Variants in TMEM163 observed in about 807,000 individuals in gnomAD.
TMEM163 encodes transmembrane protein 163.
A neutral mutation model predicts 29.3 loss-of-function variants in TMEM163; 17 were observed. The observed-to-expected ratio is 0.58, with a 90% CI of 0.40 to 0.87. The LOEUF (loss-of-function observed/expected upper bound fraction) is 0.87. Ranked by LOEUF, TMEM163 falls within the 40% of genes least tolerant of loss-of-function variation. TMEM163 has a pLI of 0.00. For synonymous variants in TMEM163, 157 were observed against 160.6 expected (o/e 0.98, Z 0.17); for missense variants, 303 against 381.5 (o/e 0.79, Z 1.71).
chr2:134,600,935 T>C (rs996265638), intron 2 of TMEM163, among the ~76,000 whole-genome samples: 16 of 152,232 alleles, frequency 1.1e-4, no homozygotes, highest in African/African-American at 3.6e-4. Context: ...GCCCACCATA[T>C]CCTGGGTGGC....
intron 2 of TMEM163, among the ~76,000 whole-genome samples, chr2:134,571,283 A>G (rs1023568679): frequency 2.6e-5 from 4 of 152,290 alleles, no homozygotes; most frequent in South Asian, 2.1e-4. Flanking sequence ...CTCGCTTTCC[A>G]TTGACCCTTT....
At chr2:134,605,128 G>T (rs1682323094) in intron 2 of TMEM163, among the ~76,000 whole-genome samples, 1 of 150,886 alleles carries the variant, frequency 6.6e-6, no homozygotes, top group Non-Finnish European at 1.5e-5. Context: ...AGTGAGCTGG[G>T]ATCGCACCAC....
At chr2:134,477,097 C>T (rs1409205201) in intron 5 of TMEM163, among the ~76,000 whole-genome samples, 1 of 152,194 alleles carries the variant, frequency 6.6e-6, no homozygotes, top group Non-Finnish European at 1.5e-5. Flanking sequence ...CCCACCCCTC[C>T]TTCTTATCTG....
intron 5 of TMEM163, among the ~76,000 whole-genome samples, chr2:134,475,076 T>A (rs1686885603): frequency 6.6e-6 from 1 of 152,196 alleles, no homozygotes. Context: ...ACACAAGGCC[T>A]TTCCTTATTT....
intron 2 of TMEM163, among the ~76,000 whole-genome samples, chr2:134,591,419 C>A (rs1681932077): frequency 6.6e-6 from 1 of 152,188 alleles, no homozygotes; most frequent in South Asian, 2.1e-4. Context: ...TGGCTGGCTT[C>A]TTTACTGCAA....
At chr2:134,468,538 G>A (rs1574154604) in intron 5 of TMEM163, 1 of 152,314 alleles carries the variant, frequency 6.6e-6, no homozygotes. Context: ...GACTCAGGAA[G>A]CATAGGCTGG....
In TMEM163 at chr2:134,496,111, G is replaced by A. The variant is rs564983702; in HGVS notation, c.555+6790C>T. Among the ~76,000 whole-genome samples, 6 of 151,624 alleles carry A rather than the reference G, an allele frequency of 4.0e-5. No individual in the cohort carries two copies. The South Asian group carries it at 8.3e-4, about 21-fold the overall frequency. ...GAGTCTCGCTCTGTCACCCAGGCTGGAGTGCAGTGGCGCAATCTTGGCTCA... is the reference window on the plus strand; with the variant it reads ...GAGTCTCGCTCTGTCACCCAGGCTGAAGTGCAGTGGCGCAATCTTGGCTCA... On this transcript the variant is annotated intron_variant, in intron 5 of 7. Transcript: ENST00000281924.
chr2:134,642,041 A>C (rs1287432992), intron 2 of TMEM163, among the ~76,000 whole-genome samples: 6 of 152,204 alleles, frequency 3.9e-5, no homozygotes, highest in Admixed American at 2.6e-4. Flanking sequence ...AACATACTAA[A>C]TGTATATTTA....
At chr2:134,614,528 T>C (rs1202206945) in intron 2 of TMEM163, among the ~76,000 whole-genome samples, 3 of 152,168 alleles carry the variant, frequency 2.0e-5, no homozygotes, top group African/African-American at 7.2e-5. Flanking sequence ...GAATGCTCAG[T>C]AAAAGATTGA....
At chr2:134,667,205 T>C (rs939806433) in intron 2 of TMEM163, among the ~76,000 whole-genome samples, 1 of 152,256 alleles carries the variant, frequency 6.6e-6, no homozygotes, top group African/African-American at 2.4e-5. Flanking sequence ...GGCTAGGCTG[T>C]GATATTTCCT....
At chr2:134,477,865 G>A (rs1366769283) in intron 5 of TMEM163, among the ~76,000 whole-genome samples, 1 of 152,200 alleles carries the variant, frequency 6.6e-6, no homozygotes, top group African/African-American at 2.4e-5. Context: ...GGACAGGTTT[G>A]TTGATATGGT....
In TMEM163 at chr2:134,568,521, G is replaced by A. The variant is rs189644710; in HGVS notation, c.323-16430C>T. On this transcript the variant is annotated intron_variant, in intron 2 of 7. Transcript: ENST00000281924. ...AGCCTGGGTGACACAGTGAGACTCC[G>A]TCAAGAAAGAAAGAAAAGAAAGAGA... Among the ~76,000 whole-genome samples, 25 of 146,720 alleles carry A rather than the reference G, an allele frequency of 1.7e-4. No homozygotes were observed. In the East Asian group the frequency reaches 3.2e-3, roughly 19 times the overall value.
intron 5 of TMEM163, among the ~76,000 whole-genome samples, chr2:134,472,546 C>A (rs1315741052): frequency 1.3e-5 from 2 of 152,242 alleles, no homozygotes; most frequent in Non-Finnish European, 2.9e-5. Context: ...TTGACAATTT[C>A]TCTGAAAAGT....
chr2:134,647,345 G>A (rs1683356727), intron 2 of TMEM163, among the ~76,000 whole-genome samples: 1 of 152,164 alleles, frequency 6.6e-6, no homozygotes, highest in African/African-American at 2.4e-5. Context: ...AAAATTTAAA[G>A]AGGAAGACTC....
intron 2 of TMEM163, among the ~76,000 whole-genome samples, chr2:134,584,425 T>C (rs1366234368): frequency 2.0e-5 from 3 of 152,184 alleles, no homozygotes; most frequent in Non-Finnish European, 4.4e-5. Context: ...GGTCATGGAA[T>C]GAATGTCCAG....
intron 2 of TMEM163, among the ~76,000 whole-genome samples, chr2:134,621,530 T>C (rs925792342): frequency 6.6e-6 from 1 of 152,208 alleles, no homozygotes; most frequent in African/African-American, 2.4e-5. Context: ...TATGCAAATA[T>C]TCATAGCAGC....
intron 2 of TMEM163, among the ~76,000 whole-genome samples, chr2:134,651,219 T>C (rs1275644344): frequency 9.6e-6 from 1 of 103,998 alleles, no homozygotes; most frequent in Non-Finnish European, 1.8e-5. Flanking sequence ...TTTCCTGACT[T>C]TTTAATGATT....
intron 2 of TMEM163, among the ~76,000 whole-genome samples, chr2:134,593,192 G>T (rs1037908616): frequency 6.6e-6 from 1 of 152,188 alleles, no homozygotes; most frequent in Middle Eastern, 3.2e-3. Context: ...GGCCTGGAAA[G>T]GAGAGGGCAG....
intron 2 of TMEM163, among the ~76,000 whole-genome samples, chr2:134,666,219 G>A (rs574435282): frequency 3.3e-5 from 5 of 151,802 alleles, no homozygotes; most frequent in Non-Finnish European, 7.4e-5. Context: ...ACTTCTGCCT[G>A]CCTTTCCTCT....
Sources: allele counts gnomAD v4.1 joint callset (sites outside exome capture counted in the v4.1 genomes callset), GRCh38; gene constraint gnomAD v4.1.1; transcripts MANE v1.5; gene names NCBI Gene and HGNC (gene_info 2026-07-23, HGNC 2026-07-21).